RAP1A: variants seen among roughly 807,000 people sequenced by gnomAD.
RAP1A encodes ras-related protein Rap-1A.
In RAP1A, 6 loss-of-function variants were observed where a neutral mutation model predicts 26.4. The observed-to-expected ratio is 0.23, with a 90% CI of 0.12 to 0.45. The LOEUF (loss-of-function observed/expected upper bound fraction) is 0.45, where lower values mean the gene tolerates loss of function less well. Ranked by LOEUF, RAP1A falls within the 20% of genes least tolerant of loss-of-function variation. RAP1A has a pLI of 0.99. For missense variants in RAP1A, 121 were observed against 217.2 expected (o/e 0.56, Z 2.78); for synonymous variants, 73 against 79.4 (o/e 0.92, Z 0.43).
chr1:111,655,422 A>G (rs1255563013), intron 1 of RAP1A, among the ~76,000 whole-genome samples: 4 of 152,122 alleles, frequency 2.6e-5, no homozygotes, highest in Non-Finnish European at 4.4e-5. Context: ...TAAATGAAAA[A>G]GAATACGCAT....
At chr1:111,619,531 G>C (rs934271733), upstream of RAP1A, among the ~76,000 whole-genome samples, 2 of 152,148 alleles carry the variant, frequency 1.3e-5, no homozygotes, top group Non-Finnish European at 2.9e-5. Flanking sequence ...TTCTCTTCTT[G>C]AATCTTTGGA....
chr1:111,679,855 G>A (rs997908264), intron 1 of RAP1A, among the ~76,000 whole-genome samples: 5 of 152,160 alleles, frequency 3.3e-5, no homozygotes, highest in African/African-American at 1.2e-4. Context: ...TTCCTCTCTG[G>A]GCAGGGCATC....
chr1:111,609,533 C>T (rs1464560482), intron 1 of RAP1A, among the ~76,000 whole-genome samples: 1 of 152,174 alleles, frequency 6.6e-6, no homozygotes, highest in African/African-American at 2.4e-5. Context: ...TCTCCCTAAA[C>T]TAGACACACT....
At chr1:111,708,670 TTATG>T (rs1662275967) in intron 6 of RAP1A, among the ~76,000 whole-genome samples, 1 of 152,202 alleles carries the variant, frequency 6.6e-6, no homozygotes, top group South Asian at 2.1e-4. Flanking sequence ...TATAACGTGT[TTATG>T]TAAGAGAATA....
chr1:111,660,824 A>C (rs572130550), intron 1 of RAP1A, among the ~76,000 whole-genome samples: 2 of 152,098 alleles, frequency 1.3e-5, no homozygotes, highest in African/African-American at 4.8e-5. Flanking sequence ...TTGTCCTCCA[A>C]TTATAGTGCC....
chr1:111,639,566 C>CTT (rs10646278), intron 1 of RAP1A, among the ~76,000 whole-genome samples: 3,349 of 148,382 alleles, frequency 0.023, 112 homozygotes, highest in African/African-American at 0.076. Context: ...ACATTATGAA[C>CTT]TTTTTTTTTT....
At chr1:111,636,050 C>T (rs777508387) in intron 1 of RAP1A, among the ~76,000 whole-genome samples, 12 of 152,034 alleles carry the variant, frequency 7.9e-5, no homozygotes, top group Non-Finnish European at 1.5e-4. Context: ...TTGGCATTCA[C>T]GACTTAATAG....
intron 1 of RAP1A, among the ~76,000 whole-genome samples, chr1:111,612,265 A>T (rs1465512893): frequency 6.6e-6 from 1 of 152,172 alleles, no homozygotes; most frequent in East Asian, 1.9e-4. Flanking sequence ...GGTGCTCATC[A>T]TTATCCAACT....
At chr1:111,625,824 C>G (rs1200742222) in intron 1 of RAP1A, among the ~76,000 whole-genome samples, 1 of 150,930 alleles carries the variant, frequency 6.6e-6, no homozygotes, top group African/African-American at 2.4e-5. Context: ...CTTCCTTTTT[C>G]TTTCACAGAG....
intron 1 of RAP1A, among the ~76,000 whole-genome samples, chr1:111,683,968 C>A (rs1418675827): frequency 2.0e-5 from 3 of 152,186 alleles, no homozygotes; most frequent in Admixed American, 6.5e-5. Context: ...CCACTGCGAT[C>A]AAGTTGGCTT....
intron 1 of RAP1A, among the ~76,000 whole-genome samples, chr1:111,646,403 G>C (rs1571523963): frequency 7.7e-6 from 1 of 129,158 alleles, no homozygotes; most frequent in Non-Finnish European, 1.6e-5. Flanking sequence ...TAAATTCTCT[G>C]TCAGTTTTCC....
chr1:111,628,241 T>C (rs1169735241), intron 1 of RAP1A, among the ~76,000 whole-genome samples: 1 of 152,360 alleles, frequency 6.6e-6, no homozygotes, highest in Non-Finnish European at 1.5e-5. Flanking sequence ...AAGAAATATC[T>C]CATTTTTGTG....
chr1:111,636,427 G>A (rs561112353), intron 1 of RAP1A, among the ~76,000 whole-genome samples: 78 of 152,000 alleles, frequency 5.1e-4, no homozygotes, highest in African/African-American at 1.7e-3. Flanking sequence ...AATGTCTTGC[G>A]CCCAGTGGAG....
chr1:111,704,432 G>T lies in RAP1A; in HGVS notation c.414G>T (p.Trp138Cys). The stretch of plus-strand genomic sequence containing the variant: ...AGGGCCAGAATTTAGCAAGACAGTG[G>T]TGTAACTGTGCCTTTTTAGAATCTT... The part of the protein sequence containing the change: ...KEQGQNLARQ[W>C]CNCAFLESSA... The change falls in exon 6 of 8, where the codon TGG becomes TGT. Residue 138 changes from tryptophan (W) to cysteine (C), a missense_variant. Coordinates refer to ENST00000369709, the MANE Select transcript of RAP1A (RefSeq NM_002884.4). The T allele has an allele frequency of 6.2e-7, 1 of 1,613,910 alleles. No homozygotes were observed. Among genetic ancestry groups the T allele is most frequent in the Middle Eastern group, 1.7e-4 (1 of 6,060 alleles).
At chr1:111,686,128 G>A (rs976660715) in intron 1 of RAP1A, among the ~76,000 whole-genome samples, 4 of 151,118 alleles carry the variant, frequency 2.6e-5, no homozygotes, top group Non-Finnish European at 4.4e-5. Context: ...CTGTCGGGGG[G>A]TGGGGGGCAA....
At chr1:111,694,063 A>G (rs898194818) in intron 2 of RAP1A, among the ~76,000 whole-genome samples, 2 of 151,852 alleles carry the variant, frequency 1.3e-5, no homozygotes, top group African/African-American at 4.8e-5. Context: ...TAAATTTTTA[A>G]ATTTTTTGTA....
At chr1:111,600,980 AGGC>A (rs1658659295) in intron 1 of RAP1A, among the ~76,000 whole-genome samples, 1 of 152,162 alleles carries the variant, frequency 6.6e-6, no homozygotes, top group African/African-American at 2.4e-5. Flanking sequence ...CATGAAGGGT[AGGC>A]AGATGTGAGT....
At chr1:111,573,534 CAT>C (rs1658089850) in intron 1 of RAP1A, among the ~76,000 whole-genome samples, 1 of 152,114 alleles carries the variant, frequency 6.6e-6, no homozygotes, top group South Asian at 2.1e-4. Context: ...AGGGTTTCAC[CAT>C]GTTAGCCAGG....
intron 1 of RAP1A, among the ~76,000 whole-genome samples, chr1:111,688,216 T>C (rs1384933822): frequency 2.0e-5 from 3 of 151,192 alleles, no homozygotes; most frequent in South Asian, 4.2e-4. Flanking sequence ...GTTTTTTCTT[T>C]GTTTTATAGA....
Sources: allele counts gnomAD v4.1 joint callset (sites outside exome capture counted in the v4.1 genomes callset), GRCh38; gene constraint gnomAD v4.1.1; transcripts MANE v1.5; gene names NCBI Gene and HGNC (gene_info 2026-07-23, HGNC 2026-07-21).